Variants in PCDH15 observed in about 807,000 individuals in gnomAD.
PCDH15 encodes protocadherin related 15.
In PCDH15, 129 loss-of-function variants were observed where a neutral mutation model predicts 178.5. That is an observed-to-expected ratio of 0.72 (90% confidence interval 0.63 to 0.84). PCDH15 has a LOEUF of 0.84. Among genes scored for constraint, PCDH15 ranks in the 40% least tolerant of loss-of-function variants. The pLI, the probability that PCDH15 is intolerant of heterozygous loss-of-function variation, is 0.00. For synonymous variants in PCDH15, 800 were observed against 732.0 expected, an observed-to-expected ratio of 1.09 and a Z score of -1.50; for missense variants, 2,230 against 2,099.9, an observed-to-expected ratio of 1.06 and a Z score of -1.21.
At chr10:55,107,458 A>G in intron 2 of PCDH15, among the ~76,000 whole-genome samples, 1 of 151,814 alleles carries the variant, frequency 6.6e-6, no homozygotes, top group East Asian at 1.9e-4. Context: ...AGAAATAGAT[A>G]AAATACAATT....
intron 8 of PCDH15, among the ~76,000 whole-genome samples, chr10:54,303,346 C>CA (rs1237262171): frequency 6.6e-6 from 1 of 151,822 alleles, no homozygotes; most frequent in Non-Finnish European, 1.5e-5. Flanking sequence ...GAGGGTTCCC[C>CA]AATTATCACA....
intron 32 of PCDH15, 124 bp from the exon 33 acceptor site, chr10:53,820,354 A>ATTGT (rs1241423209): frequency 2.6e-6 from 1 of 390,700 alleles, no homozygotes; most frequent in South Asian, 1.4e-4. Context: ...AGATTTACAG[A>ATTGT]TTGTTTTCTG....
intron 2 of PCDH15, among the ~76,000 whole-genome samples, chr10:55,558,498 A>T (rs1842133100): frequency 6.6e-6 from 1 of 152,130 alleles, no homozygotes; most frequent in Non-Finnish European, 1.5e-5. Context: ...TTTTACATCT[A>T]ATTTTTATTT....
At chr10:55,221,220 G>A (rs1268771801) in intron 1 of PCDH15, among the ~76,000 whole-genome samples, 1 of 152,060 alleles carries the variant, frequency 6.6e-6, no homozygotes, top group Non-Finnish European at 1.5e-5. Flanking sequence ...TTAGTCTATG[G>A]TGACAGAATT....
intron 3 of PCDH15, among the ~76,000 whole-genome samples, chr10:54,422,333 G>A (rs549112927): frequency 4.6e-5 from 7 of 152,200 alleles, no homozygotes; most frequent in South Asian, 4.2e-4. Flanking sequence ...TGGAATTATA[G>A]CCTACCCTAT....
At position 55,418,776 on chromosome 10, in the gene PCDH15, C is replaced by A. The variant is rs115024511; in HGVS notation, c.-156+208849G>T. Among the ~76,000 whole-genome samples, 409 of 151,808 alleles carry A rather than the reference C, an allele frequency of 2.7e-3. 1 individual carries two copies. The highest frequency in any genetic ancestry group is 9.3e-3 in the African/African-American group (388 of 41,498). On this transcript the variant is annotated intron_variant, in intron 2 of 5. Coordinates refer to the PCDH15 transcript ENST00000613346. ...ATAATAAAATCAGACTTTTATCTTTCATGGGAGAGATTTGACAAGTTCTCT... is the reference window on the plus strand; with the variant it reads ...ATAATAAAATCAGACTTTTATCTTTAATGGGAGAGATTTGACAAGTTCTCT...
At chr10:54,605,231 A>G (rs1430137688) in intron 2 of PCDH15, among the ~76,000 whole-genome samples, 2 of 152,068 alleles carry the variant, frequency 1.3e-5, no homozygotes, top group Middle Eastern at 3.4e-3. Context: ...ACCATTACCG[A>G]TGAGTTTTAT....
At chr10:54,443,883 A>G (rs909629942) in intron 3 of PCDH15, among the ~76,000 whole-genome samples, 1 of 151,664 alleles carries the variant, frequency 6.6e-6, no homozygotes, top group Non-Finnish European at 1.5e-5. Flanking sequence ...GCTCTAAGCT[A>G]TGCTAAACTT....
At chr10:54,094,229 C>T (rs1451564933) in intron 15 of PCDH15, among the ~76,000 whole-genome samples, 3 of 152,134 alleles carry the variant, frequency 2.0e-5, no homozygotes, top group Admixed American at 2.0e-4. Flanking sequence ...ACCACACAGA[C>T]AAAAATCCTG....
chr10:54,589,155 T>G (rs186539965), intron 2 of PCDH15, among the ~76,000 whole-genome samples: 1 of 152,196 alleles, frequency 6.6e-6, no homozygotes, highest in East Asian at 1.9e-4. Flanking sequence ...TAAAGGAAAT[T>G]TCCACTGTTT....
chr10:54,897,558 C>T (rs531205520), intron 2 of PCDH15: 1 of 152,168 alleles, frequency 6.6e-6, no homozygotes, highest in East Asian at 1.9e-4. Context: ...ATTGAAACAA[C>T]AATTATGTAT....
intron 1 of PCDH15, among the ~76,000 whole-genome samples, chr10:54,776,140 A>G (rs1201155744): frequency 2.0e-5 from 3 of 152,140 alleles, no homozygotes; most frequent in Non-Finnish European, 4.4e-5. Flanking sequence ...TTTCATGTGT[A>G]TATGTGTCAT....
intron 2 of PCDH15, among the ~76,000 whole-genome samples, chr10:54,934,892 T>C (rs566449479): frequency 2.4e-4 from 36 of 152,094 alleles, no homozygotes; most frequent in African/African-American, 7.7e-4. Flanking sequence ...TGGAATACTA[T>C]GCAGCCATAA....
intron 1 of PCDH15, among the ~76,000 whole-genome samples, chr10:55,247,301 C>T (rs759743458): frequency 6.6e-6 from 1 of 152,122 alleles, no homozygotes; most frequent in South Asian, 2.1e-4. Flanking sequence ...AGAAATCCTA[C>T]GTACATATTC....
At chr10:55,359,665 A>G (rs1013295083) in intron 2 of PCDH15, among the ~76,000 whole-genome samples, 3 of 150,390 alleles carry the variant, frequency 2.0e-5, no homozygotes, top group South Asian at 4.2e-4. Context: ...AATCACCAAG[A>G]TATATATTCA....
intron 35 of PCDH15, 23 bp from the exon 36 acceptor site, chr10:53,811,642 G>T (rs1427364153): frequency 6.7e-7 from 1 of 1,499,378 alleles, no homozygotes; most frequent in Non-Finnish European, 9.0e-7. Context: ...AAGAAAAATT[G>T]CATTTGAAAA....
chr10:54,280,021 C>CTTAATA (rs1450756170), intron 8 of PCDH15, among the ~76,000 whole-genome samples: 1 of 151,660 alleles, frequency 6.6e-6, no homozygotes, highest in Admixed American at 6.6e-5. Context: ...TGTCATTAAA[C>CTTAATA]CATCATACCA....
chr10:54,163,030 T>A (rs2045872607), intron 13 of PCDH15, among the ~76,000 whole-genome samples: 1 of 152,056 alleles, frequency 6.6e-6, no homozygotes, highest in Non-Finnish European at 1.5e-5. Flanking sequence ...TAAAGTTATA[T>A]GGTGACCCCA....
intron 1 of PCDH15, among the ~76,000 whole-genome samples, chr10:54,703,469 T>C (rs1441258955): frequency 6.6e-6 from 1 of 152,084 alleles, no homozygotes; most frequent in Non-Finnish European, 1.5e-5. Flanking sequence ...TGATTCTATA[T>C]GTAGGAAACC....
Sources: gnomAD v4.1 joint callset for allele counts (sites outside exome capture counted in the v4.1 genomes callset) on GRCh38, gnomAD v4.1.1 for gene constraint, MANE v1.5 for transcripts, NCBI Gene and HGNC (gene_info 2026-07-23, HGNC 2026-07-21) for gene names.